The following CDIN1 variants were observed in gnomAD, a reference collection of about 807,000 sequenced individuals.
CDIN1 encodes the protein CDAN1-interacting nuclease 1.
Under a neutral mutation model 45.3 loss-of-function variants are expected in CDIN1, and 33 were observed. The observed-to-expected ratio is 0.73, with a 90% CI of 0.55 to 0.97. The LOEUF (loss-of-function observed/expected upper bound fraction) is 0.97, where lower values mean the gene tolerates loss of function less well. CDIN1 is among the 50% of genes least tolerant of loss of function. The pLI is 0.00. For missense variants in CDIN1, 303 were observed against 339.4 expected (o/e 0.89, Z 0.84); for synonymous variants, 118 against 124.4 (o/e 0.95, Z 0.34).
At chr15:36,746,697 A>ACACACT (rs2044453937) in intron 10 of CDIN1, among the ~76,000 whole-genome samples, 1 of 145,472 alleles carries the variant, frequency 6.9e-6, no homozygotes, top group African/African-American at 2.5e-5. Context: ...ACACACACAC[A>ACACACT]CTGCTACTTT....
intron 10 of CDIN1, among the ~76,000 whole-genome samples, chr15:36,801,742 C>T (rs373143240): frequency 3.3e-5 from 5 of 152,222 alleles, no homozygotes; most frequent in African/African-American, 1.2e-4. Context: ...CTGTAATTCT[C>T]ATTCCCTAGC....
At chr15:36,751,999 G>A (rs185883014) in intron 10 of CDIN1, among the ~76,000 whole-genome samples, 5 of 152,240 alleles carry the variant, frequency 3.3e-5, no homozygotes, top group Non-Finnish European at 5.9e-5. Context: ...GAGCCTGTTG[G>A]GGGTGCAGGG....
At chr15:36,662,416 A>G (rs1285022551) in intron 5 of CDIN1, among the ~76,000 whole-genome samples, 1 of 151,870 alleles carries the variant, frequency 6.6e-6, no homozygotes, top group African/African-American at 2.4e-5. Flanking sequence ...TTTAGTTTTC[A>G]AACAAACTGG....
At chr15:36,597,967 T>C (rs746380980) in intron 1 of CDIN1, among the ~76,000 whole-genome samples, 2 of 152,206 alleles carry the variant, frequency 1.3e-5, no homozygotes, top group Non-Finnish European at 2.9e-5. Flanking sequence ...ATTTATTTTA[T>C]CACTCATAAA....
chr15:36,709,628 G>C (rs570969821), intron 9 of CDIN1, among the ~76,000 whole-genome samples: 62 of 152,244 alleles, frequency 4.1e-4, no homozygotes, highest in Admixed American at 1.3e-3. Context: ...CTGAGAACTA[G>C]GAAAGGGAGT....
At chr15:36,765,212 T>A (rs979326739) in intron 10 of CDIN1, among the ~76,000 whole-genome samples, 4 of 151,896 alleles carry the variant, frequency 2.6e-5, no homozygotes, top group South Asian at 2.1e-4. Context: ...CCTGCCTCCA[T>A]GCCTGGCTAA....
chr15:36,787,021 T>A (rs1345554272), intron 10 of CDIN1, among the ~76,000 whole-genome samples: 1 of 152,200 alleles, frequency 6.6e-6, no homozygotes, highest in Non-Finnish European at 1.5e-5. Flanking sequence ...CTCACACCCC[T>A]GGTCTCCTTA....
At chr15:36,763,952 C>A (rs1422145618) in intron 10 of CDIN1, among the ~76,000 whole-genome samples, 1 of 152,154 alleles carries the variant, frequency 6.6e-6, no homozygotes, top group Non-Finnish European at 1.5e-5. Context: ...TGGTGACTGT[C>A]AGTATCCATT....
chr15:36,684,125 G>A (rs1011572792), intron 5 of CDIN1, among the ~76,000 whole-genome samples: 2 of 151,566 alleles, frequency 1.3e-5, no homozygotes, highest in African/African-American at 4.8e-5. Flanking sequence ...AATAGCAGTG[G>A]TGAGAGAGGG....
At chr15:36,694,012 T>C (rs2042338442) in intron 7 of CDIN1, among the ~76,000 whole-genome samples, 1 of 152,242 alleles carries the variant, frequency 6.6e-6, no homozygotes, top group Non-Finnish European at 1.5e-5. Context: ...GTTATAATTT[T>C]TGCAGTTTCA....
intron 1 of CDIN1, among the ~76,000 whole-genome samples, chr15:36,593,117 A>T (rs1338394463): frequency 5.9e-5 from 9 of 152,294 alleles, no homozygotes; most frequent in Admixed American, 5.9e-4. Context: ...CTGATACTAC[A>T]CTGGTTGCTA....
chr15:36,667,121 G>C (rs1245641341), intron 5 of CDIN1, among the ~76,000 whole-genome samples: 1 of 152,136 alleles, frequency 6.6e-6, no homozygotes, highest in Non-Finnish European at 1.5e-5. Flanking sequence ...TTTGTCTTCT[G>C]AAAGTTAGTT....
intron 10 of CDIN1, among the ~76,000 whole-genome samples, chr15:36,715,812 C>T (rs541778396): frequency 1.3e-5 from 2 of 152,212 alleles, no homozygotes; most frequent in South Asian, 4.1e-4. Flanking sequence ...GCTGGAGTAA[C>T]CTCAAAATAT....
intron 8 of CDIN1, chr15:36,707,305 G>GA (rs1416823990): frequency 6.6e-6 from 1 of 152,072 alleles, no homozygotes; most frequent in South Asian, 2.1e-4. Context: ...GAGGGAGAAA[G>GA]AGAGACAGGG....
At chr15:36,665,145 T>C (rs1285251910) in intron 5 of CDIN1, among the ~76,000 whole-genome samples, 1 of 152,234 alleles carries the variant, frequency 6.6e-6, no homozygotes, top group African/African-American at 2.4e-5. Context: ...CTTGTATCTG[T>C]TTGTAGACTT....
chr15:36,795,532 A>T (rs2054771870), intron 10 of CDIN1, among the ~76,000 whole-genome samples: 1 of 152,160 alleles, frequency 6.6e-6, no homozygotes, highest in South Asian at 2.1e-4. Flanking sequence ...TGTAAACTAG[A>T]CTTAAATGTT....
intron 10 of CDIN1, among the ~76,000 whole-genome samples, chr15:36,751,570 G>A (rs1261403173): frequency 6.6e-6 from 1 of 151,858 alleles, no homozygotes; most frequent in African/African-American, 2.4e-5. Context: ...CAACCATTGT[G>A]GAAGACAGTA....
At chr15:36,725,028 A>G (rs2043570507) in intron 10 of CDIN1, among the ~76,000 whole-genome samples, 1 of 152,166 alleles carries the variant, frequency 6.6e-6, no homozygotes, top group African/African-American at 2.4e-5. Flanking sequence ...CCAAAGCTCC[A>G]TCGGCAGCCC....
At chr15:36,677,433 AG>A (rs1369566224) in intron 5 of CDIN1, among the ~76,000 whole-genome samples, 1 of 152,176 alleles carries the variant, frequency 6.6e-6, no homozygotes, top group Non-Finnish European at 1.5e-5. Flanking sequence ...GAAACCTTGT[AG>A]CCTCACCACC....
Sources: gnomAD v4.1 joint callset for allele counts (sites outside exome capture counted in the v4.1 genomes callset) on GRCh38, gnomAD v4.1.1 for gene constraint, MANE v1.5 for transcripts, NCBI Gene and HGNC (gene_info 2026-07-23, HGNC 2026-07-21) for gene names.